Variants in PDE1C observed in about 807,000 individuals in gnomAD.
The protein encoded by PDE1C is phosphodiesterase 1C, also known as dual specificity calcium/calmodulin-dependent 3',5'-cyclic nucleotide phosphodiesterase 1C.
Under a neutral mutation model 93.1 loss-of-function variants are expected in PDE1C, and 62 were observed. The ratio of observed to expected loss-of-function variants is 0.67; its 90% CI spans 0.54 to 0.82. The LOEUF (loss-of-function observed/expected upper bound fraction) is 0.82. PDE1C is among the 40% of genes least tolerant of loss of function. The probability of loss-of-function intolerance (pLI) is 0.00; values close to 1 mark genes in which losing one functional copy is unlikely to be tolerated. For missense variants in PDE1C, 742 were observed against 884.6 expected (o/e 0.84, Z 2.04); for synonymous variants, 325 against 310.1 (o/e 1.05, Z -0.50).
At chr7:31,945,141 C>A (rs1806436423) in intron 2 of PDE1C, among the ~76,000 whole-genome samples, 1 of 152,110 alleles carries the variant, frequency 6.6e-6, no homozygotes, top group African/African-American at 2.4e-5. Flanking sequence ...GCTCCAAGGA[C>A]CTTATAACAG....
chr7:32,071,794 G>A (rs1009592711), upstream of PDE1C, among the ~76,000 whole-genome samples: 3 of 152,076 alleles, frequency 2.0e-5, no homozygotes, highest in Non-Finnish European at 2.9e-5. Context: ...CCAAAGACTG[G>A]GGGAATCCAT....
intron 16 of PDE1C, among the ~76,000 whole-genome samples, chr7:31,779,419 C>G (rs898840581): frequency 6.6e-6 from 1 of 152,182 alleles, no homozygotes; most frequent in African/African-American, 2.4e-5. Flanking sequence ...CTATAATCTT[C>G]CAAAAGCCTG....
chr7:32,113,849 G>A (rs933494176), intron 3 of PDE1C, among the ~76,000 whole-genome samples: 2 of 152,008 alleles, frequency 1.3e-5, no homozygotes, highest in East Asian at 3.9e-4. Context: ...GACAAGCAGA[G>A]AGCCAAATCA....
At chr7:32,114,422 C>T (rs112921800) in intron 3 of PDE1C, among the ~76,000 whole-genome samples, 30,291 of 151,966 alleles carry the variant, frequency 0.2, 3,724 homozygotes, top group Middle Eastern at 0.31. Context: ...CAGCCATATG[C>T]AGAAAACTGA....
chr7:32,337,869 GC>G (rs1171409702), intron 1 of PDE1C, among the ~76,000 whole-genome samples: 1 of 152,162 alleles, frequency 6.6e-6, no homozygotes, highest in Non-Finnish European at 1.5e-5. Context: ...CACGGAGCAA[GC>G]AAACGAGGCA....
intron 3 of PDE1C, among the ~76,000 whole-genome samples, chr7:32,153,977 G>A (rs1182381290): frequency 6.6e-6 from 1 of 152,226 alleles, no homozygotes; most frequent in Non-Finnish European, 1.5e-5. Context: ...AGTACGGCCA[G>A]GCGCAATGGC....
At chr7:32,283,573 T>C (rs1028213256) in intron 1 of PDE1C, among the ~76,000 whole-genome samples, 8 of 152,224 alleles carry the variant, frequency 5.3e-5, no homozygotes, top group Admixed American at 2.0e-4. Flanking sequence ...CCAGTTCTTT[T>C]TCTCCTTAGC....
chr7:31,732,638 C>CTGTGTGTGTGTGTGTGTG, the PDE1C span, among the ~76,000 whole-genome samples: 36 of 144,310 alleles, frequency 2.5e-4, no homozygotes, highest in Non-Finnish European at 3.8e-4. Flanking sequence ...TCCTCTCTTT[C>CTGTGTGTGTGTGTGTGTG]TGTGTGTGTG....
chr7:31,727,518 AATTAATAGAAT>A, the PDE1C span, among the ~76,000 whole-genome samples: 3 of 152,268 alleles, frequency 2.0e-5, no homozygotes, highest in Middle Eastern at 3.4e-3. Flanking sequence ...CCTCAGGTAA[AATTAATAGAAT>A]TCCCAAGACA....
At chr7:31,823,309 G>T in intron 13 of PDE1C, 61 bp from the exon 14 acceptor site, 2 of 1,432,588 alleles carry the variant, frequency 1.4e-6, no homozygotes, top group Non-Finnish European at 1.9e-6. Flanking sequence ...GTCTGCCAAT[G>T]AGCAAGCCCA....
intron 2 of PDE1C, among the ~76,000 whole-genome samples, chr7:32,201,624 G>A (rs1056936121): frequency 2.0e-5 from 3 of 152,196 alleles, no homozygotes; most frequent in African/African-American, 7.2e-5. Context: ...GAGATCCCAG[G>A]AGTGGCTCTG....
chr7:31,620,778 G>C, the PDE1C span, among the ~76,000 whole-genome samples: 1 of 152,198 alleles, frequency 6.6e-6, no homozygotes, highest in African/African-American at 2.4e-5. Context: ...TTGAGGAGGC[G>C]AGAGAAGAAG....
chr7:32,031,994 G>A (rs1790389973), intron 2 of PDE1C, among the ~76,000 whole-genome samples: 1 of 151,790 alleles, frequency 6.6e-6, no homozygotes, highest in Non-Finnish European at 1.5e-5. Flanking sequence ...TTGGCCACCT[G>A]ACTTTGTGCA....
intron 3 of PDE1C, among the ~76,000 whole-genome samples, chr7:32,104,975 T>G (rs917360777): frequency 6.6e-6 from 1 of 152,136 alleles, no homozygotes; most frequent in African/African-American, 2.4e-5. Context: ...GATATATATT[T>G]TTAGCTCCAA....
chr7:32,361,885 C>G (rs1210012464), intron 1 of PDE1C, among the ~76,000 whole-genome samples: 1 of 152,216 alleles, frequency 6.6e-6, no homozygotes, highest in African/African-American at 2.4e-5. Context: ...CTGCTCTTTA[C>G]TCCTCAAGAA....
intron 2 of PDE1C, among the ~76,000 whole-genome samples, chr7:31,946,403 A>C (rs1806616685): frequency 6.6e-6 from 1 of 152,100 alleles, no homozygotes; most frequent in African/African-American, 2.4e-5. Context: ...CGTGGCTTGG[A>C]TGGAATCCAG....
chr7:31,652,754 A>G, the PDE1C span: 10 of 1,613,956 alleles, frequency 6.2e-6, no homozygotes, highest in Non-Finnish European at 8.5e-6. Flanking sequence ...CTTCATCATC[A>G]GCTTGGGCAA....
intron 2 of PDE1C, among the ~76,000 whole-genome samples, chr7:31,933,604 T>C (rs900136413): frequency 6.6e-6 from 1 of 152,316 alleles, no homozygotes; most frequent in African/African-American, 2.4e-5. Context: ...CCAGCTCTCA[T>C]GTTGAATTGT....
intron 3 of PDE1C, among the ~76,000 whole-genome samples, chr7:32,153,196 T>C (rs1396159939): frequency 6.6e-6 from 1 of 152,164 alleles, no homozygotes; most frequent in Non-Finnish European, 1.5e-5. Flanking sequence ...TTCTGTTGAA[T>C]TGGCTTTTGG....
Sources: gnomAD v4.1 joint callset for allele counts (sites outside exome capture counted in the v4.1 genomes callset) on GRCh38, gnomAD v4.1.1 for gene constraint, MANE v1.5 for transcripts, NCBI Gene and HGNC (gene_info 2026-07-23, HGNC 2026-07-21) for gene names.